The following DGKB variants were observed in gnomAD, a reference collection of about 807,000 sequenced individuals.
DGKB encodes the protein 90 kDa diacylglycerol kinase.
In DGKB, 67 loss-of-function variants were observed where a neutral mutation model predicts 114.3. The ratio of observed to expected loss-of-function variants is 0.59; its 90% CI spans 0.48 to 0.72. DGKB has a LOEUF of 0.72. Among genes scored for constraint, DGKB ranks in the 30% least tolerant of loss-of-function variants. The pLI is 0.00. For synonymous variants in DGKB, 398 were observed against 323.1 expected (o/e 1.23, Z -2.49); for missense variants, 907 against 975.2 (o/e 0.93, Z 0.93).
chr7:14,151,675 G>A (rs1370573867), intron 25 of DGKB, among the ~76,000 whole-genome samples: 1 of 151,924 alleles, frequency 6.6e-6, no homozygotes, highest in Admixed American at 6.6e-5. Context: ...TACAGTCAAA[G>A]TACACAACTG....
chr7:14,808,927 C>A (rs1562591610), intron 2 of DGKB, among the ~76,000 whole-genome samples: 3 of 152,094 alleles, frequency 2.0e-5, no homozygotes, highest in Admixed American at 1.3e-4. Context: ...CCTACTAATT[C>A]CAGAATAACC....
chr7:14,499,720 T>G (rs2128951163), intron 20 of DGKB, among the ~76,000 whole-genome samples: 1 of 151,962 alleles, frequency 6.6e-6, no homozygotes, highest in Non-Finnish European at 1.5e-5. Context: ...TACATAACCT[T>G]TATACTACAT....
chr7:14,715,036 C>A (rs186467185), intron 6 of DGKB, among the ~76,000 whole-genome samples: 1 of 152,230 alleles, frequency 6.6e-6, no homozygotes, highest in East Asian at 1.9e-4. Flanking sequence ...GGGACAGAGA[C>A]TATTTAATGA....
At chr7:14,609,758 A>G (rs1298420518) in intron 16 of DGKB, among the ~76,000 whole-genome samples, 2 of 149,268 alleles carry the variant, frequency 1.3e-5, no homozygotes, top group African/African-American at 5.2e-5. Flanking sequence ...CAGGAAACAA[A>G]CATATGAAAA....
chr7:14,874,804 A>G (rs1562784892), intron 1 of DGKB, among the ~76,000 whole-genome samples: 1 of 152,232 alleles, frequency 6.6e-6, no homozygotes, highest in East Asian at 1.9e-4. Flanking sequence ...CCCCACACAG[A>G]TTTATTAGTA....
intron 2 of DGKB, among the ~76,000 whole-genome samples, chr7:14,824,574 T>C (rs1461899813): frequency 6.6e-6 from 1 of 152,070 alleles, no homozygotes; most frequent in African/African-American, 2.4e-5. Flanking sequence ...GAAAAAATAA[T>C]CAAGATCCTG....
At chr7:14,613,254 T>C in intron 16 of DGKB, 86 bp downstream of exon 16, 1 of 732,480 alleles carries the variant, frequency 1.4e-6, no homozygotes, top group African/African-American at 1.8e-5. Context: ...AGAGGAATAA[T>C]TGTTTTTAAG....
At chr7:14,557,119 T>C (rs1340479006) in intron 20 of DGKB, among the ~76,000 whole-genome samples, 2 of 152,156 alleles carry the variant, frequency 1.3e-5, no homozygotes, top group African/African-American at 2.4e-5. Flanking sequence ...AACCCAGGTG[T>C]AGAGACCAGT....
chr7:14,886,021 A>G (rs1045869137), intron 1 of DGKB, among the ~76,000 whole-genome samples: 1 of 151,930 alleles, frequency 6.6e-6, no homozygotes, highest in African/African-American at 2.4e-5. Flanking sequence ...CTATACAAGA[A>G]AATTGATAGT....
At chr7:14,777,994 T>A (rs755055388) in intron 2 of DGKB, among the ~76,000 whole-genome samples, 1 of 152,174 alleles carries the variant, frequency 6.6e-6, no homozygotes, top group Non-Finnish European at 1.5e-5. Context: ...GCTACAATAA[T>A]CACATGCTTC....
chr7:14,840,251 C>T (rs893223713), intron 2 of DGKB, among the ~76,000 whole-genome samples: 2 of 152,054 alleles, frequency 1.3e-5, no homozygotes, highest in Non-Finnish European at 2.9e-5. Flanking sequence ...CCACTTCTTG[C>T]ATTTTATTCT....
intron 4 of DGKB, among the ~76,000 whole-genome samples, chr7:14,741,605 C>T (rs949170270): frequency 3.3e-5 from 5 of 152,176 alleles, no homozygotes; most frequent in African/African-American, 7.2e-5. Context: ...CTACCATTTG[C>T]TGATTCTCTC....
intron 2 of DGKB, among the ~76,000 whole-genome samples, chr7:14,794,382 C>G (rs1841111164): frequency 6.6e-6 from 1 of 152,090 alleles, no homozygotes; most frequent in South Asian, 2.1e-4. Context: ...TTGGATACTC[C>G]TAATCAACTA....
At chr7:14,252,788 G>A (rs77071667) in intron 23 of DGKB, among the ~76,000 whole-genome samples, 3,372 of 152,256 alleles carry the variant, frequency 0.022, 79 homozygotes, top group South Asian at 0.1. Context: ...CATTGGCATG[G>A]TTCTGTGGTT....
At position 14,148,643 on chromosome 7, in the gene DGKB, T is replaced by A. The variant is rs1430779142; in HGVS notation, c.*488A>T. On this transcript the variant is annotated 3_prime_UTR_variant, in exon 26 of 26. Coordinates refer to ENST00000402815, the MANE Select transcript of DGKB (RefSeq NM_001350709.2). ...CAACTATTTAATAAAATCTTCGAAT[T>A]AAAAGTTTCTCCTCAAGTCATAGGT... 1.3e-5 allele frequency: 2 copies of A among 158,406 alleles called. No homozygotes were observed. The highest frequency in any genetic ancestry group is 2.8e-5 in the Non-Finnish European group (2 of 71,944). The allele number at this position is 158,406 out of a possible 1,614,324, so 9.8% of individuals were successfully genotyped here.
intron 1 of DGKB, among the ~76,000 whole-genome samples, chr7:14,846,889 A>G (rs894396884): frequency 6.6e-6 from 1 of 152,232 alleles, no homozygotes; most frequent in African/African-American, 2.4e-5. Flanking sequence ...GAGTCAATCT[A>G]TTGGGTTGGA....
intron 17 of DGKB, among the ~76,000 whole-genome samples, chr7:14,597,131 C>T (rs1274546118): frequency 1.3e-5 from 2 of 151,988 alleles, no homozygotes; most frequent in African/African-American, 4.8e-5. Context: ...TGGCGTGAAC[C>T]CAGGAGGCGG....
chr7:14,652,715 C>T (rs866710239), intron 13 of DGKB, among the ~76,000 whole-genome samples: 1 of 150,264 alleles, frequency 6.7e-6, no homozygotes, highest in African/African-American at 2.4e-5. Context: ...GAACAGGCAA[C>T]CTACAGAATG....
intron 2 of DGKB, among the ~76,000 whole-genome samples, chr7:14,801,888 A>T (rs11981783): frequency 6.7e-6 from 1 of 149,804 alleles, no homozygotes; most frequent in Non-Finnish European, 1.5e-5. Context: ...GTGTGTGTGT[A>T]TATATATATA....
Sources: gnomAD v4.1 joint callset for allele counts (sites outside exome capture counted in the v4.1 genomes callset) on GRCh38, gnomAD v4.1.1 for gene constraint, MANE v1.5 for transcripts, NCBI Gene and HGNC (gene_info 2026-07-23, HGNC 2026-07-21) for gene names.